DPP10: variants seen among roughly 807,000 people sequenced by gnomAD.
The protein encoded by DPP10 is dipeptidyl peptidase like 10, also known as inactive dipeptidyl peptidase 10.
Under a neutral mutation model 120.9 loss-of-function variants are expected in DPP10, and 33 were observed. The ratio of observed to expected loss-of-function variants is 0.27; its 90% CI spans 0.21 to 0.37. The LOEUF is 0.37. Ranked by LOEUF, DPP10 falls within the 10% of genes least tolerant of loss-of-function variation. The pLI is 1.00. For missense variants in DPP10, 816 were observed against 942.8 expected, an observed-to-expected ratio of 0.87 and a Z score of 1.76; for synonymous variants, 337 against 326.1, an observed-to-expected ratio of 1.03 and a Z score of -0.36.
chr2:114,924,336 G>A lies in DPP10; in HGVS notation c.61-384903G>A, dbSNP rs148384486. 5.8e-3 allele frequency among the ~76,000 whole-genome samples: 881 copies of A among 152,170 alleles called. 10 individuals carry two copies. The highest frequency in any genetic ancestry group is 0.02 in the African/African-American group (849 of 41,522). On this transcript the variant is annotated intron_variant, in intron 1 of 25. Coordinates refer to ENST00000410059, the MANE Select transcript of DPP10 (RefSeq NM_020868.6). ...GAGCTGAGGAGTTTGAGACCAGGCTGGGCAACATGGCGAAACCCCATCTCT... is the reference window on the plus strand; with the variant it reads ...GAGCTGAGGAGTTTGAGACCAGGCTAGGCAACATGGCGAAACCCCATCTCT...
intron 1 of DPP10, among the ~76,000 whole-genome samples, chr2:114,906,448 C>G (rs551949343): frequency 3.7e-4 from 56 of 151,234 alleles, no homozygotes; most frequent in African/African-American, 1.3e-3. Flanking sequence ...CTCATCTTAT[C>G]AGGATAATGT....
intron 14 of DPP10, among the ~76,000 whole-genome samples, 163 bp from the exon 15 acceptor site, chr2:115,777,624 T>C (rs1682271902): frequency 2.0e-5 from 3 of 152,158 alleles, no homozygotes; most frequent in Admixed American, 2.0e-4. Context: ...ACAACTCCTG[T>C]CTGTATTTTG....
intron 1 of DPP10, chr2:115,161,871 G>A (rs1394507850): frequency 4.7e-6 from 6 of 1,284,240 alleles, no homozygotes; most frequent in Non-Finnish European, 5.0e-6. Context: ...AGCGACGGGC[G>A]CCCGTGACCT....
chr2:115,324,128 T>G (rs1559421914), intron 2 of DPP10, among the ~76,000 whole-genome samples: 1 of 151,980 alleles, frequency 6.6e-6, no homozygotes, highest in African/African-American at 2.4e-5. Flanking sequence ...ATACAAAAAT[T>G]AGGCAGGCAG....
At chr2:115,477,943 G>A (rs887065400) in intron 3 of DPP10, among the ~76,000 whole-genome samples, 5 of 152,114 alleles carry the variant, frequency 3.3e-5, no homozygotes, top group Non-Finnish European at 7.4e-5. Context: ...ATGGCAGAAG[G>A]AAAAAGGGTA....
At chr2:114,876,389 A>C (rs1691166517) in intron 1 of DPP10, among the ~76,000 whole-genome samples, 2 of 152,076 alleles carry the variant, frequency 1.3e-5, no homozygotes, top group African/African-American at 4.8e-5. Flanking sequence ...TTCAGCCTGC[A>C]GCTTCCCTCT....
At chr2:114,706,101 G>T (rs1488120298) in intron 1 of DPP10, among the ~76,000 whole-genome samples, 2 of 152,166 alleles carry the variant, frequency 1.3e-5, no homozygotes, top group Admixed American at 6.6e-5. Context: ...CATATTTGAG[G>T]AGTAACTTAA....
At chr2:115,100,984 G>A (rs1285633831) in intron 1 of DPP10, among the ~76,000 whole-genome samples, 1 of 152,108 alleles carries the variant, frequency 6.6e-6, no homozygotes, top group Non-Finnish European at 1.5e-5. Flanking sequence ...TCTTACAGTT[G>A]TTTTTTAGGG....
chr2:115,805,818 G>A (rs959239442), intron 19 of DPP10, among the ~76,000 whole-genome samples: 6 of 152,076 alleles, frequency 3.9e-5, no homozygotes, highest in South Asian at 2.1e-4. Flanking sequence ...CAGGTGGTCC[G>A]CCTGCATTGG....
At chr2:114,809,829 G>C (rs750116431) in intron 1 of DPP10, among the ~76,000 whole-genome samples, 2 of 152,178 alleles carry the variant, frequency 1.3e-5, no homozygotes, top group Non-Finnish European at 2.9e-5. Context: ...AGGTGATGCA[G>C]ATGCTGGTGG....
intron 1 of DPP10, among the ~76,000 whole-genome samples, chr2:114,560,549 A>G (rs1688686842): frequency 6.6e-6 from 1 of 152,164 alleles, no homozygotes; most frequent in Non-Finnish European, 1.5e-5. Context: ...CTATAGCCAC[A>G]CAGGCTTGGC....
chr2:115,498,701 T>G, intron 3 of DPP10, among the ~76,000 whole-genome samples: 1 of 57,710 alleles, frequency 1.7e-5, no homozygotes, highest in East Asian at 6.1e-4. Flanking sequence ...TATATATATA[T>G]AATTATGTAT....
rs568642797 is a variant in DPP10, at chr2:115,720,326, T to C, written c.577-7490T>C. Among the ~76,000 whole-genome samples, 159 of 152,294 alleles carry C rather than the reference T, an allele frequency of 1.0e-3. 1 individual carries two copies. The highest frequency in any genetic ancestry group is 3.6e-3 in the African/African-American group (148 of 41,566). On this transcript the variant is annotated intron_variant, in intron 7 of 25. Coordinates refer to ENST00000410059, the MANE Select transcript of DPP10 (RefSeq NM_020868.6). ...CATAAATCAAAATAAGCACTTTTCA[T>C]TTATCAATTTATACATCAAGATTTT...
intron 1 of DPP10, among the ~76,000 whole-genome samples, chr2:114,479,833 G>A (rs1281428784): frequency 6.6e-6 from 1 of 152,066 alleles, no homozygotes; most frequent in South Asian, 2.1e-4. Flanking sequence ...AACACCAAAA[G>A]CAATGGCAAC....
At chr2:115,004,375 C>T (rs1054432815) in intron 1 of DPP10, among the ~76,000 whole-genome samples, 5 of 151,776 alleles carry the variant, frequency 3.3e-5, no homozygotes, top group African/African-American at 4.8e-5. Context: ...CCAAGATGGC[C>T]GAATAGGAAC....
intron 1 of DPP10, among the ~76,000 whole-genome samples, chr2:115,114,633 G>T (rs2049404365): frequency 6.6e-6 from 1 of 152,090 alleles, no homozygotes; most frequent in Non-Finnish European, 1.5e-5. Context: ...ACTTACCTTT[G>T]TCTCTCTAGG....
chr2:115,054,127 G>T (rs565415013), intron 1 of DPP10, among the ~76,000 whole-genome samples: 1 of 152,224 alleles, frequency 6.6e-6, no homozygotes, highest in African/African-American at 2.4e-5. Context: ...TGATAAATAT[G>T]ATATTATACT....
intron 8 of DPP10, among the ~76,000 whole-genome samples, chr2:115,730,918 A>T (rs2092892309): frequency 6.6e-6 from 1 of 152,186 alleles, no homozygotes; most frequent in South Asian, 2.1e-4. Context: ...TTGTGCATCT[A>T]ATCATTTATG....
intron 1 of DPP10, among the ~76,000 whole-genome samples, chr2:114,601,801 A>C (rs1425279302): frequency 6.6e-6 from 1 of 151,962 alleles, no homozygotes; most frequent in Non-Finnish European, 1.5e-5. Context: ...GTTGATTCTA[A>C]TGTAAATAAA....
Sources: allele counts gnomAD v4.1 joint callset (sites outside exome capture counted in the v4.1 genomes callset), GRCh38; gene constraint gnomAD v4.1.1; transcripts MANE v1.5; gene names NCBI Gene and HGNC (gene_info 2026-07-23, HGNC 2026-07-21).